Variants in ELFN2 observed in about 807,000 individuals in gnomAD.
ELFN2 encodes extracellular leucine rich repeat and fibronectin type III domain containing 2, also known as protein phosphatase 1 regulatory subunit 29.
ELFN2 carries 17 observed loss-of-function variants against 45.5 expected under a neutral mutation model. The observed-to-expected ratio is 0.37, with a 90% CI of 0.26 to 0.56. ELFN2 has a LOEUF of 0.56. Among genes scored for constraint, ELFN2 ranks in the 20% least tolerant of loss-of-function variants. ELFN2 has a pLI of 0.77. For missense variants in ELFN2, 922 were observed against 1,183.2 expected, an observed-to-expected ratio of 0.78 and a Z score of 3.24; for synonymous variants, 550 against 551.5, an observed-to-expected ratio of 1.00 and a Z score of 0.04.
intron 2 of ELFN2, among the ~76,000 whole-genome samples, chr22:37,400,064 C>G (rs1342724554): frequency 6.6e-6 from 1 of 152,174 alleles, no homozygotes; most frequent in East Asian, 1.9e-4. Context: ...GCCAAGCCCT[C>G]CACGTCCCCA....
In ELFN2 at chr22:37,374,145, C is replaced by A; in HGVS notation, c.1390G>T (p.Val464Leu). 3 of 1,613,044 alleles carry A rather than the reference C, an allele frequency of 1.9e-6. No individual in the cohort carries two copies. The highest frequency in any genetic ancestry group is 2.5e-6 in the Non-Finnish European group (3 of 1,180,028). The change falls in exon 3 of 3, where the codon GTG (valine) becomes TTG (leucine). Residue 464 changes from valine to leucine, a missense_variant. This residue lies in a region of ELFN2 where 564 missense variants were observed against 642.8 expected (regional missense o/e 0.88). Coordinates refer to ENST00000402918, the MANE Select transcript of ELFN2 (RefSeq NM_052906.5). ...HAAQKLGEPP[V>L]LPVSRMASIP... is the part of the protein sequence containing the mutation. ...GAGGCCATGCGAGATACGGGCAGCACGGGAGGCTCGCCCAGCTTCTGGGCG... is the reference window on the plus strand; with the variant it reads ...GAGGCCATGCGAGATACGGGCAGCAAGGGAGGCTCGCCCAGCTTCTGGGCG...
At chr22:37,405,089 C>CTTTTTTTTTTTTTTTTTTT (rs1491573989) in intron 2 of ELFN2, among the ~76,000 whole-genome samples, 2 of 121,534 alleles carry the variant, frequency 1.6e-5, no homozygotes, top group Non-Finnish European at 1.6e-5. Context: ...TGAACCTCAG[C>CTTTTTTTTTTTTTTTTTTT]ATTTTTTTTT....
At chr22:37,393,897 A>AT (rs1932144712) in intron 2 of ELFN2, among the ~76,000 whole-genome samples, 1 of 152,168 alleles carries the variant, frequency 6.6e-6, no homozygotes, top group Admixed American at 6.5e-5. Flanking sequence ...TCGCTGGCAG[A>AT]TGCCCCAATC....
Position 37,387,392 on chromosome 22 carries a change from C to G in ELFN2, c.-462-11396G>C, listed in dbSNP as rs184790527. On this transcript the variant is annotated intron_variant, in intron 2 of 2. Transcript: ENST00000402918. ...GTAATTTATTTTCCTCTTTCTCCCC[C>G]CTTCTCTCTCCCTCACTTCAGCCTT... 5.9e-5 allele frequency among the ~76,000 whole-genome samples: 9 copies of G among 152,216 alleles called. No individual in the cohort carries two copies. The South Asian group carries it at 8.3e-4, about 14-fold the overall frequency.
chr22:37,408,836 G>A (rs1932575780), intron 2 of ELFN2, among the ~76,000 whole-genome samples: 1 of 152,182 alleles, frequency 6.6e-6, no homozygotes, highest in South Asian at 2.1e-4. Flanking sequence ...CTATTTTGCT[G>A]GGTTGTTGTG....
intron 2 of ELFN2, among the ~76,000 whole-genome samples, chr22:37,409,900 G>A (rs1021013730): frequency 2.6e-5 from 4 of 152,150 alleles, no homozygotes; most frequent in African/African-American, 9.7e-5. Flanking sequence ...GGAAACACGG[G>A]TCAGTGACAG....
At chr22:37,366,109 C>G (rs1931200737), downstream of ELFN2, among the ~76,000 whole-genome samples, 1 of 152,174 alleles carries the variant, frequency 6.6e-6, no homozygotes, top group Non-Finnish European at 1.5e-5. Context: ...GAAAGGGAAG[C>G]AGATACGCGA....
In ELFN2 at chr22:37,373,461, CGCCCCCGCCGCT is replaced by C. The variant is rs776559734; in HGVS notation, c.2062_2073del (p.Ser688_Gly691del). On this transcript the variant is annotated inframe_deletion, in exon 3 of 3. Coordinates refer to ENST00000402918, the MANE Select transcript of ELFN2 (RefSeq NM_052906.5). The stretch of plus-strand genomic sequence containing the variant: ...TTCACCTCCAGGTGGTGGATGCCCC[CGCCCCCGCCGCT>C]GCCCCCGCCGCTGCCCGCCGGCACC... 1.7e-4 allele frequency: 265 copies of C among 1,529,022 alleles called. 1 individual carries two copies. Among genetic ancestry groups the C allele is most frequent in the South Asian group, 8.7e-4 (71 of 81,610 alleles). 94.7% of individuals were successfully genotyped at this position (1,529,022 alleles called of 1,614,324 possible).
At chr22:37,410,882 G>T (rs1383547166) in intron 2 of ELFN2, among the ~76,000 whole-genome samples, 3 of 152,146 alleles carry the variant, frequency 2.0e-5, no homozygotes, top group African/African-American at 7.2e-5. Context: ...GGGGCCACAG[G>T]GGCAGACACC....
chr22:37,398,289 G>T lies in ELFN2; in HGVS notation c.-463+19480C>A, dbSNP rs369037242. 4.6e-5 allele frequency among the ~76,000 whole-genome samples: 7 copies of T among 152,154 alleles called. 1 individual carries two copies. The highest frequency in any genetic ancestry group is 3.9e-4 in the Admixed American group (6 of 15,284). Reference sequence around the variant, plus strand: ...CCAACCTGCCCTTTATTCCTCAAAGGCCCCTGAATATACTGGCCTCCAGCC... The same window carrying T: ...CCAACCTGCCCTTTATTCCTCAAAGTCCCCTGAATATACTGGCCTCCAGCC... On this transcript the variant is annotated intron_variant, in intron 2 of 2. Coordinates refer to ENST00000402918, the MANE Select transcript of ELFN2 (RefSeq NM_052906.5).
intron 2 of ELFN2, among the ~76,000 whole-genome samples, chr22:37,393,870 C>T (rs993780462): frequency 2.0e-5 from 3 of 152,198 alleles, no homozygotes; most frequent in South Asian, 2.1e-4. Flanking sequence ...GCAGGCGACA[C>T]GGAACGGGTC....
intron 1 of ELFN2, chr22:37,354,070 A>AG (rs1367251419): frequency 6.6e-6 from 1 of 152,218 alleles, no homozygotes; most frequent in Admixed American, 6.5e-5. Flanking sequence ...AGCAATGAAA[A>AG]TGATCCAACC....
chr22:37,360,414 G>A (rs750866460), intron 1 of ELFN2, among the ~76,000 whole-genome samples: 16 of 152,190 alleles, frequency 1.1e-4, no homozygotes, highest in Non-Finnish European at 1.3e-4. Context: ...GAACTCAAAC[G>A]GCCTCATGCC....
chr22:37,405,866 A>G (rs772198255), intron 2 of ELFN2, among the ~76,000 whole-genome samples: 2 of 151,798 alleles, frequency 1.3e-5, no homozygotes, highest in Non-Finnish European at 2.9e-5. Context: ...GGCAGGCACA[A>G]TGGCTCGCGC....
rs557942343 is a variant in ELFN2, at chr22:37,343,969, C to A, written n.149-1266G>T. On this transcript the variant is annotated intron_variant and non_coding_transcript_variant, in intron 1 of 2. Transcript: ENST00000452946. ...TGGGACAGGGCAGTGGGTGGAGGGG[C>A]CGAGGGCTTACAGCACTGCTCGCCC... Among the ~76,000 whole-genome samples the A allele has an allele frequency of 2.0e-5, 3 of 151,988 alleles. No homozygotes were observed. The South Asian group carries it at 6.2e-4, about 32-fold the overall frequency.
chr22:37,412,277 C>CAAAAAAAAAAAA (rs56073200), intron 2 of ELFN2, among the ~76,000 whole-genome samples: 1 of 92,306 alleles, frequency 1.1e-5, no homozygotes, highest in African/African-American at 4.4e-5. Flanking sequence ...AACTCCGTCT[C>CAAAAAAAAAAAA]AAAAAAAAAA....
intron 1 of ELFN2, among the ~76,000 whole-genome samples, chr22:37,349,962 C>T (rs1930785510): frequency 6.6e-6 from 1 of 150,936 alleles, no homozygotes; most frequent in African/African-American, 2.4e-5. Flanking sequence ...AGGGATGCTC[C>T]CCATGAGATC....
chr22:37,379,850 C>T (rs8142155), intron 2 of ELFN2, among the ~76,000 whole-genome samples: 67,465 of 151,870 alleles, frequency 0.44, 15,121 homozygotes, highest in Admixed American at 0.56. Context: ...CCTTTCCGCC[C>T]GGGTGCTCCT....
chr22:37,380,619 C>T (rs1401164896), intron 2 of ELFN2, among the ~76,000 whole-genome samples: 1 of 152,184 alleles, frequency 6.6e-6, no homozygotes, highest in Non-Finnish European at 1.5e-5. Context: ...ACAGGCTCTT[C>T]CCTGAGCCAG....
Sources: gnomAD v4.1 joint callset for allele counts (sites outside exome capture counted in the v4.1 genomes callset) on GRCh38, gnomAD v4.1.1 for gene constraint, gnomAD v4.1.1 regional missense constraint, MANE v1.5 for transcripts, NCBI Gene and HGNC (gene_info 2026-07-23, HGNC 2026-07-21) for gene names.